Variants in MBP observed in about 807,000 individuals in gnomAD.
The protein encoded by MBP is Golli-MBP.
MBP carries 16 observed loss-of-function variants against 35.8 expected under a neutral mutation model. The ratio of observed to expected loss-of-function variants is 0.45; its 90% CI spans 0.30 to 0.68. The LOEUF (loss-of-function observed/expected upper bound fraction) is 0.68. MBP is among the 30% of genes least tolerant of loss of function. MBP has a pLI of 0.08. For missense variants in MBP, 380 were observed against 404.7 expected, an observed-to-expected ratio of 0.94 and a Z score of 0.52; for synonymous variants, 143 against 159.6, an observed-to-expected ratio of 0.90 and a Z score of 0.78.
chr18:77,049,065 A>G (rs1599140885), intron 3 of MBP, among the ~76,000 whole-genome samples: 2 of 151,574 alleles, frequency 1.3e-5, no homozygotes, highest in Non-Finnish European at 1.5e-5. Context: ...GACTACAGGC[A>G]CCTGCCACCA....
At chr18:77,113,496 C>T (rs562584226) in intron 1 of MBP, 3 of 152,458 alleles carry the variant, frequency 2.0e-5, no homozygotes, top group African/African-American at 7.2e-5. Context: ...TCAGGACGCC[C>T]ACCTGTGGTG....
At chr18:77,006,613 C>T (rs1048203987) in intron 4 of MBP, 6 of 152,740 alleles carry the variant, frequency 3.9e-5, no homozygotes, top group Non-Finnish European at 4.4e-5. Flanking sequence ...CCCTCAGAAT[C>T]CTTGCTTCCC....
intron 4 of MBP, among the ~76,000 whole-genome samples, chr18:77,009,415 G>T (rs1300563973): frequency 1.3e-5 from 2 of 152,222 alleles, no homozygotes; most frequent in Non-Finnish European, 2.9e-5. Context: ...CCCATGTTTA[G>T]TGAGTACTAA....
At chr18:76,985,323 T>C in intron 7 of MBP, 1 of 1,293,524 alleles carries the variant, frequency 7.7e-7, no homozygotes, top group Admixed American at 2.3e-5. Context: ...GCTGTGTAGG[T>C]GCCGGTCCCC....
At chr18:77,094,695 T>A (rs147558738) in intron 2 of MBP, among the ~76,000 whole-genome samples, 29 of 152,342 alleles carry the variant, frequency 1.9e-4, no homozygotes, top group East Asian at 1.7e-3. Flanking sequence ...ACCCCAATTT[T>A]TCTCATGACA....
Position 76,988,273 on chromosome 18 carries a change from C to A in MBP, c.750+222G>T. 1 of 1,551,012 alleles carries A rather than the reference C, an allele frequency of 6.4e-7. No individual in the cohort carries two copies. On this transcript the variant is annotated intron_variant, in intron 7 of 8. Transcript: ENST00000355994. This position sits in a 1 kb window ranked among gnomAD's most constrained non-coding sequence, Gnocchi z 5.2. ...AGGATCTGGCCTTGCAGGGCTGGGTCCCCGGCACAGAAGCAAGAGACCAGA... is the reference window on the plus strand; with the variant it reads ...AGGATCTGGCCTTGCAGGGCTGGGTACCCGGCACAGAAGCAAGAGACCAGA...
intron 4 of MBP, among the ~76,000 whole-genome samples, chr18:76,997,024 C>T (rs1806258230): frequency 6.6e-6 from 1 of 152,146 alleles, no homozygotes; most frequent in South Asian, 2.1e-4. Flanking sequence ...GCTCCTACTG[C>T]CTCCCCGACC....
chr18:77,089,482 C>T (rs1011386573), intron 2 of MBP, among the ~76,000 whole-genome samples: 2 of 152,238 alleles, frequency 1.3e-5, no homozygotes, highest in African/African-American at 4.8e-5. Context: ...CCTCAAGGCA[C>T]AAAACGTGGC....
intron 2 of MBP, among the ~76,000 whole-genome samples, chr18:77,084,701 GTCTT>G (rs562394722): frequency 3.0e-4 from 45 of 152,248 alleles, no homozygotes; most frequent in Middle Eastern, 6.8e-3. Context: ...GTTTTTTAGA[GTCTT>G]TCTGTTTGTT....
In MBP at chr18:77,016,881, C is replaced by T. The variant is rs1568292714; in HGVS notation, c.527G>A (p.Gly176Glu). 1.2e-6 allele frequency: 2 copies of T among 1,614,244 alleles called. No homozygotes were observed. Among genetic ancestry groups the T allele is most frequent in the Non-Finnish European group, 8.5e-7 (1 of 1,180,046 alleles). The change falls in exon 4 of 9, where the codon GGG becomes GAG. Residue 176 changes from glycine (G) to glutamate (E), a missense_variant. Transcript: ENST00000355994. ...HRDTGILDSI[G>E]RFFGGDRGAP... is the part of the protein sequence containing the mutation. ...ACCCCTGTCACCGCCAAAGAAGCGCCCGATGGAGTCAAGGATGCCCGTGTC... is the reference window on the plus strand; with the variant it reads ...ACCCCTGTCACCGCCAAAGAAGCGCTCGATGGAGTCAAGGATGCCCGTGTC...
intron 3 of MBP, among the ~76,000 whole-genome samples, chr18:77,036,733 T>C (rs893816682): frequency 1.5e-5 from 2 of 133,616 alleles, no homozygotes; most frequent in Non-Finnish European, 3.1e-5. Context: ...GCTGAGCAAG[T>C]GCTGGTCACA....
intron 2 of MBP, among the ~76,000 whole-genome samples, chr18:77,075,554 C>G (rs1301143376): frequency 6.6e-6 from 1 of 152,118 alleles, no homozygotes; most frequent in Non-Finnish European, 1.5e-5. Context: ...GAGGGTGCAG[C>G]CATCTGATTT....
At chr18:77,015,258 T>A (rs1416667514) in intron 4 of MBP, 1 of 973,726 alleles carries the variant, frequency 1.0e-6, no homozygotes, top group Non-Finnish European at 1.2e-6. Flanking sequence ...CTGCACAGTT[T>A]AAGTACATTT....
At chr18:77,111,126 A>G (rs1976437531) in intron 1 of MBP, among the ~76,000 whole-genome samples, 1 of 152,082 alleles carries the variant, frequency 6.6e-6, no homozygotes. Context: ...TTTGCCTGGG[A>G]GGAAAAGCTC....
intron 3 of MBP, among the ~76,000 whole-genome samples, chr18:77,028,561 G>A (rs1479675360): frequency 2.2e-5 from 2 of 92,068 alleles, no homozygotes; most frequent in Admixed American, 1.1e-4. Flanking sequence ...TTCCCAGTAG[G>A]GGCGGCCGGG....
chr18:77,060,594 G>A (rs1044675228), intron 3 of MBP, among the ~76,000 whole-genome samples: 11 of 151,890 alleles, frequency 7.2e-5, no homozygotes, highest in African/African-American at 2.7e-4. Context: ...AGGATTACAG[G>A]TGTGCACTAC....
At chr18:76,991,648 C>G (rs1969926285) in intron 4 of MBP, among the ~76,000 whole-genome samples, 1 of 152,154 alleles carries the variant, frequency 6.6e-6, no homozygotes, top group Non-Finnish European at 1.5e-5. Context: ...CCAGATGCTA[C>G]TTGTTCAGAA....
chr18:77,116,830 G>A (rs961830720), intron 1 of MBP, among the ~76,000 whole-genome samples: 1 of 151,880 alleles, frequency 6.6e-6, no homozygotes, highest in Admixed American at 6.6e-5. Flanking sequence ...TTGGGCCACT[G>A]CACTCCAGCC....
At chr18:77,045,097 G>T (rs1973182234) in intron 3 of MBP, among the ~76,000 whole-genome samples, 1 of 152,060 alleles carries the variant, frequency 6.6e-6, no homozygotes, top group Non-Finnish European at 1.5e-5. Flanking sequence ...CAGCCTACAT[G>T]TCTGGGTTTA....
Sources: allele counts gnomAD v4.1 joint callset (sites outside exome capture counted in the v4.1 genomes callset), GRCh38; gene constraint gnomAD v4.1.1; non-coding constraint Gnocchi (gnomAD v3.1); transcripts MANE v1.5; gene names NCBI Gene and HGNC (gene_info 2026-07-23, HGNC 2026-07-21).